Variants in ARHGAP26 observed in about 807,000 individuals in gnomAD.
ARHGAP26 encodes the protein rho GTPase-activating protein 26.
ARHGAP26 carries 38 observed loss-of-function variants against 104.8 expected under a neutral mutation model. The ratio of observed to expected loss-of-function variants is 0.36; its 90% confidence interval spans 0.28 to 0.48. The LOEUF (loss-of-function observed/expected upper bound fraction) is 0.48. Among genes scored for constraint, ARHGAP26 ranks in the 20% least tolerant of loss-of-function variants. ARHGAP26 has a pLI of 0.99. For synonymous variants in ARHGAP26, 341 were observed against 340.0 expected, an observed-to-expected ratio of 1.00 and a Z score of -0.03; for missense variants, 704 against 947.9, an observed-to-expected ratio of 0.74 and a Z score of 3.38.
chr5:142,863,492 C>G (rs1010520206), intron 1 of ARHGAP26, among the ~76,000 whole-genome samples: 2 of 152,172 alleles, frequency 1.3e-5, no homozygotes, highest in African/African-American at 4.8e-5. Flanking sequence ...AGGAGACACG[C>G]CATTTCTGGT....
chr5:143,083,467 G>T (rs532333762), intron 17 of ARHGAP26, among the ~76,000 whole-genome samples: 16 of 152,234 alleles, frequency 1.1e-4, no homozygotes, highest in Admixed American at 9.8e-4. Flanking sequence ...TTTTTGAGTG[G>T]AGAAGAATTT....
At chr5:143,206,157 TC>T (rs1808512513) in intron 20 of ARHGAP26, among the ~76,000 whole-genome samples, 1 of 152,226 alleles carries the variant, frequency 6.6e-6, no homozygotes, top group Non-Finnish European at 1.5e-5. Flanking sequence ...GCTTAGAAAG[TC>T]TGTTCCCCTT....
chr5:143,135,409 C>T (rs77705183), intron 19 of ARHGAP26, among the ~76,000 whole-genome samples: 2,492 of 152,262 alleles, frequency 0.016, 39 homozygotes, highest in Non-Finnish European at 0.022. Context: ...TAACTCGTTT[C>T]TGTGAGGTAC....
At chr5:142,835,331 T>C (rs1769342123) in intron 1 of ARHGAP26, among the ~76,000 whole-genome samples, 1 of 152,230 alleles carries the variant, frequency 6.6e-6, no homozygotes, top group Non-Finnish European at 1.5e-5. Flanking sequence ...TGTCTTCTTT[T>C]TCTTCTGGTT....
intron 19 of ARHGAP26, among the ~76,000 whole-genome samples, chr5:143,140,633 GA>G (rs1184374481): frequency 1.3e-5 from 2 of 152,088 alleles, no homozygotes; most frequent in African/African-American, 4.8e-5. Context: ...TTCCAAAAGA[GA>G]GGCCCATATG....
intron 18 of ARHGAP26, among the ~76,000 whole-genome samples, chr5:143,125,374 C>T (rs144374308): frequency 2.6e-5 from 4 of 152,180 alleles, no homozygotes; most frequent in Admixed American, 1.3e-4. Context: ...ACACCCTCTC[C>T]CCCCAACCCA....
At chr5:142,772,131 G>A (rs1755333230) in intron 1 of ARHGAP26, among the ~76,000 whole-genome samples, 1 of 152,172 alleles carries the variant, frequency 6.6e-6, no homozygotes. Flanking sequence ...TCTTTAAAGG[G>A]CACTTACAAA....
chr5:142,926,943 C>T (rs975977719), intron 10 of ARHGAP26, among the ~76,000 whole-genome samples: 2 of 152,190 alleles, frequency 1.3e-5, no homozygotes, highest in African/African-American at 4.8e-5. Flanking sequence ...CTCATATAAC[C>T]TTCCCAGCAT....
At chr5:142,937,603 T>C (rs2152549276) in intron 11 of ARHGAP26, among the ~76,000 whole-genome samples, 1 of 152,324 alleles carries the variant, frequency 6.6e-6, no homozygotes, top group Admixed American at 6.5e-5. Flanking sequence ...ACCTCCCTCA[T>C]AGCAGCTTTA....
intron 20 of ARHGAP26, among the ~76,000 whole-genome samples, chr5:143,178,962 C>T (rs968061662): frequency 1.2e-4 from 19 of 152,072 alleles, no homozygotes; most frequent in Non-Finnish European, 2.2e-4. Context: ...TTCCGCCTCC[C>T]GGGTTCAAGC....
At chr5:143,191,172 A>T (rs796956468) in intron 20 of ARHGAP26, among the ~76,000 whole-genome samples, 7 of 152,392 alleles carry the variant, frequency 4.6e-5, no homozygotes, top group African/African-American at 1.4e-4. Flanking sequence ...GATAAATTTC[A>T]TGGTATATAA....
intron 11 of ARHGAP26, among the ~76,000 whole-genome samples, chr5:142,977,377 A>T (rs971609495): frequency 6.6e-6 from 1 of 152,058 alleles, no homozygotes; most frequent in Non-Finnish European, 1.5e-5. Flanking sequence ...GATATTCCAC[A>T]TTCTTTTATT....
rs572940874 is a variant in ARHGAP26 at position 143,166,979 on chromosome 5, C to T, written c.1988+19598C>T. Among the ~76,000 whole-genome samples the T allele has an allele frequency of 3.3e-5, 5 of 152,204 alleles. No individual in the cohort carries two copies. In the East Asian group the frequency reaches 9.6e-4, roughly 29 times the overall value. ...AGTCCAGAAGAACTTTTTCTGAAGT[C>T]ATAAAAGCTGTAATAATACAAAGGT... On this transcript the variant is annotated intron_variant, in intron 20 of 22. Coordinates refer to ENST00000645722, the MANE Select transcript of ARHGAP26 (RefSeq NM_001135608.3).
intron 17 of ARHGAP26, among the ~76,000 whole-genome samples, chr5:143,065,313 T>A (rs1395742291): frequency 6.6e-6 from 1 of 152,022 alleles, no homozygotes; most frequent in Non-Finnish European, 1.5e-5. Flanking sequence ...GGCACTGGAG[T>A]CCTCTCTTGC....
chr5:143,069,319 G>T (rs1320285757), intron 17 of ARHGAP26, among the ~76,000 whole-genome samples: 1 of 152,042 alleles, frequency 6.6e-6, no homozygotes, highest in Non-Finnish European at 1.5e-5. Flanking sequence ...TGTATCCTTA[G>T]CAACTAGATC....
At chr5:142,966,803 T>G (rs1771431720) in intron 11 of ARHGAP26, among the ~76,000 whole-genome samples, 1 of 152,240 alleles carries the variant, frequency 6.6e-6, no homozygotes, top group Non-Finnish European at 1.5e-5. Flanking sequence ...ATACATGTAA[T>G]GAGTTATCTT....
chr5:142,897,248 A>G (rs1759600827), intron 6 of ARHGAP26, among the ~76,000 whole-genome samples: 2 of 152,348 alleles, frequency 1.3e-5, no homozygotes, highest in South Asian at 4.1e-4. Context: ...CAGTTCATAC[A>G]GTGAGAAACC....
At chr5:142,918,297 C>T (rs1036279320) in intron 10 of ARHGAP26, among the ~76,000 whole-genome samples, 1 of 152,206 alleles carries the variant, frequency 6.6e-6, no homozygotes, top group Non-Finnish European at 1.5e-5. Flanking sequence ...CAGGCATGCA[C>T]CACCCCGTCT....
intron 14 of ARHGAP26, among the ~76,000 whole-genome samples, chr5:143,050,246 A>C (rs3822394): frequency 0.27 from 41,288 of 152,168 alleles, 5,866 homozygotes; most frequent in South Asian, 0.49. Flanking sequence ...TGCTGTTAAA[A>C]ATTTGTGTCC....
Sources: allele counts gnomAD v4.1 joint callset (sites outside exome capture counted in the v4.1 genomes callset), GRCh38; gene constraint gnomAD v4.1.1; transcripts MANE v1.5; gene names NCBI Gene and HGNC (gene_info 2026-07-23, HGNC 2026-07-21).